The following CA10 variants were observed in gnomAD, a reference collection of about 807,000 sequenced individuals.
The protein encoded by CA10 is carbonic anhydrase 10 (inactive).
CA10 carries 14 observed loss-of-function variants against 44.2 expected under a neutral mutation model. The observed-to-expected ratio is 0.32, with a 90% CI of 0.21 to 0.50. CA10 has a LOEUF of 0.50. Among genes scored for constraint, CA10 ranks in the 20% least tolerant of loss-of-function variants. CA10 has a pLI of 0.99. For missense variants in CA10, 350 were observed against 409.7 expected (o/e 0.85, Z 1.26); for synonymous variants, 159 against 141.6 (o/e 1.12, Z -0.87).
rs140085651 is a variant in CA10, at chr17:51,996,510, T to C, written c.137-65378A>G. Reference sequence around the variant, plus strand: ...AAAAACAAGTTCAATCTCCTCGACATGGCCCATGGTTTAAATCTTCCCAGT... The same window carrying C: ...AAAAACAAGTTCAATCTCCTCGACACGGCCCATGGTTTAAATCTTCCCAGT... On this transcript the variant is annotated intron_variant, in intron 2 of 8. Transcript: ENST00000451037. Among the ~76,000 whole-genome samples, 3 of 152,022 alleles carry C rather than the reference T, an allele frequency of 2.0e-5. No individual in the cohort carries two copies. The East Asian group carries it at 5.8e-4, about 29-fold the overall frequency.
chr17:51,890,286 G>A lies in CA10; in HGVS notation c.279+40704C>T, dbSNP rs186143020. ...TTCTTCCATCACAGCATGAAACTGA[G>A]TGAAGACTTCAGACCATGACATCTG... On this transcript the variant is annotated intron_variant, in intron 3 of 8. Transcript: ENST00000451037. Among the ~76,000 whole-genome samples the A allele has an allele frequency of 2.0e-5, 3 of 152,296 alleles. No individual in the cohort carries two copies. The East Asian group carries it at 5.8e-4, about 29-fold the overall frequency.
chr17:51,776,007 T>A (rs1437301536), intron 3 of CA10, among the ~76,000 whole-genome samples: 1 of 152,064 alleles, frequency 6.6e-6, no homozygotes, highest in Admixed American at 6.6e-5. Flanking sequence ...TTTTCTAAGG[T>A]CTAGAGAAGA....
rs76404870 is a variant in CA10 at position 51,959,122 on chromosome 17, G to C, written c.137-27990C>G. Among the ~76,000 whole-genome samples the C allele has an allele frequency of 9.7e-3, 1,468 of 151,926 alleles. 22 individuals are homozygous for C. The highest frequency in any genetic ancestry group is 0.033 in the African/African-American group (1,373 of 41,416). The stretch of plus-strand genomic sequence containing the variant: ...TGCTTCAAGGGAAACATATGTACCT[G>C]TCTGTATTCTAGAAAAGCCCCAGTC... On this transcript the variant is annotated intron_variant, in intron 2 of 8. Transcript: ENST00000451037.
intron 3 of CA10, among the ~76,000 whole-genome samples, chr17:51,864,691 C>A (rs554302609): frequency 2.0e-5 from 3 of 152,174 alleles, no homozygotes; most frequent in African/African-American, 7.2e-5. Flanking sequence ...AACAAAGGTG[C>A]CTTGATGCAG....
intron 4 of CA10, among the ~76,000 whole-genome samples, chr17:51,684,395 A>T (rs1914941377): frequency 6.6e-6 from 1 of 152,188 alleles, no homozygotes; most frequent in African/African-American, 2.4e-5. Context: ...GCCATAGGAA[A>T]CCAGTGCACC....
At chr17:51,766,659 C>G (rs1413256737) in intron 3 of CA10, among the ~76,000 whole-genome samples, 1 of 152,150 alleles carries the variant, frequency 6.6e-6, no homozygotes, top group Non-Finnish European at 1.5e-5. Flanking sequence ...TTTTATTTCT[C>G]CAACACCAAA....
intron 4 of CA10, among the ~76,000 whole-genome samples, chr17:51,717,829 G>GTGTTTATATA (rs1337266806): frequency 1.3e-4 from 1 of 7,918 alleles, no homozygotes; most frequent in African/African-American, 3.4e-4. Context: ...ATATGTGTGT[G>GTGTTTATATA]TATATATATA....
chr17:51,996,555 C>T (rs1057418467), intron 2 of CA10, among the ~76,000 whole-genome samples: 4 of 152,034 alleles, frequency 2.6e-5, no homozygotes, highest in African/African-American at 9.7e-5. Flanking sequence ...TTATATTTCT[C>T]CAGCCTAATT....
intron 4 of CA10, among the ~76,000 whole-genome samples, chr17:51,746,340 G>A (rs2143602361): frequency 6.6e-6 from 1 of 152,278 alleles, no homozygotes; most frequent in Non-Finnish European, 1.5e-5. Flanking sequence ...TTTTAAAATG[G>A]AGGTGTCTAA....
intron 2 of CA10, among the ~76,000 whole-genome samples, chr17:51,979,439 A>C (rs977294758): frequency 4.6e-5 from 7 of 152,106 alleles, no homozygotes; most frequent in African/African-American, 1.7e-4. Flanking sequence ...CCCAGGTATT[A>C]AACCTAGTAC....
chr17:51,885,234 G>A (rs1172115248), intron 3 of CA10, among the ~76,000 whole-genome samples: 2 of 152,094 alleles, frequency 1.3e-5, no homozygotes, highest in East Asian at 1.9e-4. Flanking sequence ...ACCTGGGTGG[G>A]ATGCAACCCA....
chr17:51,934,785 A>G (rs1361449942), intron 2 of CA10, among the ~76,000 whole-genome samples: 1 of 152,138 alleles, frequency 6.6e-6, no homozygotes, highest in Non-Finnish European at 1.5e-5. Context: ...AAAAATGAGA[A>G]GTCAGTGCTG....
chr17:52,036,249 CA>C (rs148126588), intron 2 of CA10, among the ~76,000 whole-genome samples: 6,237 of 152,280 alleles, frequency 0.041, 160 homozygotes, highest in Non-Finnish European at 0.057. Context: ...TGAGATCAGA[CA>C]GCAAGTAAAA....
At chr17:51,681,640 G>A (rs989140378) in intron 4 of CA10, among the ~76,000 whole-genome samples, 4 of 152,138 alleles carry the variant, frequency 2.6e-5, no homozygotes, top group Non-Finnish European at 2.9e-5. Context: ...GTCCTCGATC[G>A]AGACCACTGG....
intron 2 of CA10, among the ~76,000 whole-genome samples, chr17:52,037,693 C>T (rs1986656556): frequency 6.6e-6 from 1 of 152,132 alleles, no homozygotes; most frequent in African/African-American, 2.4e-5. Context: ...CTAGACCAGC[C>T]TCAACTCCTC....
intron 1 of CA10, among the ~76,000 whole-genome samples, chr17:52,097,326 G>T (rs1988427997): frequency 6.6e-6 from 1 of 152,112 alleles, no homozygotes; most frequent in Non-Finnish European, 1.5e-5. Flanking sequence ...TCCCAGTGAG[G>T]CTGAACAAAT....
intron 4 of CA10, among the ~76,000 whole-genome samples, chr17:51,735,830 TA>T (rs11402207): frequency 2.2e-4 from 33 of 147,190 alleles, no homozygotes; most frequent in African/African-American, 4.3e-4. Context: ...AAAAACAAAG[TA>T]AAAAAAAAAA....
At chr17:51,741,123 A>G (rs1319472556) in intron 4 of CA10, among the ~76,000 whole-genome samples, 1 of 152,220 alleles carries the variant, frequency 6.6e-6, no homozygotes, top group African/African-American at 2.4e-5. Flanking sequence ...GGTAAACCAC[A>G]AAGCATGTGA....
intron 3 of CA10, among the ~76,000 whole-genome samples, chr17:51,781,203 C>T (rs1003725032): frequency 6.6e-6 from 1 of 152,140 alleles, no homozygotes; most frequent in Non-Finnish European, 1.5e-5. Context: ...CTGAGCCTTA[C>T]CTTTCTCATC....
Sources: gnomAD v4.1 joint callset for allele counts (sites outside exome capture counted in the v4.1 genomes callset) on GRCh38, gnomAD v4.1.1 for gene constraint, MANE v1.5 for transcripts, NCBI Gene and HGNC (gene_info 2026-07-23, HGNC 2026-07-21) for gene names.